Variants in SGCG observed in about 807,000 individuals in gnomAD.
The protein encoded by SGCG is sarcoglycan gamma.
SGCG carries 26 observed loss-of-function variants against 29.3 expected under a neutral mutation model. The observed-to-expected ratio is 0.89, with a 90% CI of 0.65 to 1.23. The LOEUF (loss-of-function observed/expected upper bound fraction) is 1.23. Among genes scored for constraint, SGCG ranks in the 50% most tolerant of loss-of-function variants. The pLI is 0.00. For synonymous variants in SGCG, 145 were observed against 129.7 expected (o/e 1.12, Z -0.80); for missense variants, 353 against 356.0 (o/e 0.99, Z 0.07).
upstream of SGCG, among the ~76,000 whole-genome samples, chr13:23,178,367 G>A (rs534751407): frequency 6.6e-6 from 1 of 152,312 alleles, no homozygotes; most frequent in Admixed American, 6.5e-5. Flanking sequence ...TGTCTTCTGT[G>A]ACATTCTGGG....
chr13:23,322,771 T>TCC (rs79538128), intron 7 of SGCG, among the ~76,000 whole-genome samples: 1 of 59,902 alleles, frequency 1.7e-5, no homozygotes, highest in Non-Finnish European at 3.1e-5. Flanking sequence ...CCCATCCACC[T>TCC]CCCCCCCCCC....
rs770939408 is a variant in SGCG at position 23,279,458 on chromosome 13, C to T, written c.485C>T (p.Thr162Ile). Residue 162 changes from threonine to isoleucine, a missense_variant, in exon 5 of 8, where the codon ACA becomes ATA. Coordinates refer to ENST00000218867, the MANE Select transcript of SGCG (RefSeq NM_000231.3). Reference protein sequence around the residue: ...TVDEKEVVVGTDKLRVTGPEG... With the variant: ...TVDEKEVVVGIDKLRVTGPEG... ...GATGAGAAGGAAGTTGTGGTTGGTA[C>T]AGATAAACTTCGAGTAACTGGTATG... 6.8e-6 allele frequency: 11 copies of T among 1,613,112 alleles called. No individual in the cohort carries two copies. The highest frequency in any genetic ancestry group is 3.3e-5 in the South Asian group (3 of 91,020).
upstream of SGCG, among the ~76,000 whole-genome samples, chr13:23,178,934 T>C (rs992837862): frequency 1.3e-5 from 2 of 152,024 alleles, no homozygotes; most frequent in Non-Finnish European, 2.9e-5. Context: ...TAGTCAAAAA[T>C]GGAAGCAGAG....
intron 1 of SGCG, among the ~76,000 whole-genome samples, chr13:23,191,140 G>C (rs575554221): frequency 2.0e-5 from 3 of 152,074 alleles, no homozygotes; most frequent in Non-Finnish European, 4.4e-5. Context: ...ATTTGACATC[G>C]AAATCAATTT....
chr13:23,165,030 T>C, the SGCG span, among the ~76,000 whole-genome samples: 3 of 152,196 alleles, frequency 2.0e-5, no homozygotes, highest in Non-Finnish European at 4.4e-5. Context: ...CACTTTCCCT[T>C]GAGCATAAGC....
In SGCG at chr13:23,320,746, A is replaced by G; in HGVS notation, c.688A>G (p.Ser230Gly). 6.2e-7 allele frequency: 1 copy of G among 1,613,732 alleles called. No individual in the cohort carries two copies. The highest frequency in any genetic ancestry group is 8.5e-7 in the Non-Finnish European group (1 of 1,179,780). ...ALSQMDILFH[S>G]SDGMLVLDAE... ...TTCTCAAATGGATATTCTTTTTCAT[A>G]GTAGTGATGGAATGGTGAGTTCATT... The change falls in exon 7 of 8, where the codon AGT (serine) becomes GGT (glycine). Residue 230 changes from serine (S) to glycine (G), a missense_variant. Coordinates refer to ENST00000218867, the MANE Select transcript of SGCG (RefSeq NM_000231.3).
At chr13:23,219,372 C>T (rs1878567341) in intron 2 of SGCG, among the ~76,000 whole-genome samples, 5 of 152,072 alleles carry the variant, frequency 3.3e-5, no homozygotes. Flanking sequence ...GCTTTTTATC[C>T]TAAATGATTT....
intron 6 of SGCG, among the ~76,000 whole-genome samples, chr13:23,311,589 G>T (rs973251745): frequency 6.6e-6 from 1 of 152,308 alleles, no homozygotes; most frequent in East Asian, 1.9e-4. Context: ...TGCTCGGCAC[G>T]TTGGCCTGGG....
At chr13:23,176,404 T>C (rs143854388), upstream of SGCG, among the ~76,000 whole-genome samples, 9 of 152,288 alleles carry the variant, frequency 5.9e-5, no homozygotes, top group African/African-American at 2.2e-4. Flanking sequence ...ATTTGCTTTA[T>C]ATATTTGGGT....
chr13:23,319,584 A>G (rs1882958367), intron 6 of SGCG, among the ~76,000 whole-genome samples: 2 of 152,204 alleles, frequency 1.3e-5, no homozygotes, highest in Admixed American at 6.5e-5. Flanking sequence ...ATAAATGTTC[A>G]GTCAATTTAA....
intron 6 of SGCG, among the ~76,000 whole-genome samples, chr13:23,305,171 T>A (rs1161671552): frequency 2.0e-5 from 3 of 152,220 alleles, no homozygotes; most frequent in Non-Finnish European, 2.9e-5. Context: ...GACAACTTAC[T>A]GTGTTGAGTC....
chr13:23,180,605 T>G (rs4770402), upstream of SGCG, among the ~76,000 whole-genome samples: 58,882 of 152,118 alleles, frequency 0.39, 12,010 homozygotes, highest in East Asian at 0.46. Flanking sequence ...TCGTAAAATT[T>G]TATCAACATT....
At chr13:23,249,551 C>T (rs976787975) in intron 3 of SGCG, among the ~76,000 whole-genome samples, 1 of 73,438 alleles carries the variant, frequency 1.4e-5, no homozygotes, top group African/African-American at 7.3e-5. Context: ...ACAAGTAAAG[C>T]GAAAAAAATG....
chr13:23,218,637 A>G (rs1395679098), intron 2 of SGCG, among the ~76,000 whole-genome samples: 1 of 152,056 alleles, frequency 6.6e-6, no homozygotes. Flanking sequence ...GAGAGTGACC[A>G]ATATTTCTGC....
intron 1 of SGCG, among the ~76,000 whole-genome samples, chr13:23,184,729 C>T (rs1876902693): frequency 6.6e-6 from 1 of 152,146 alleles, no homozygotes; most frequent in Admixed American, 6.5e-5. Context: ...GGCCTCAGCC[C>T]ACACCTTGCC....
At chr13:23,216,225 G>A (rs1347398706) in intron 2 of SGCG, among the ~76,000 whole-genome samples, 2 of 152,150 alleles carry the variant, frequency 1.3e-5, no homozygotes, top group African/African-American at 4.8e-5. Flanking sequence ...CAGAACCCCT[G>A]AATTTGTCTA....
intron 6 of SGCG, 22 bp from the exon 7 acceptor site, chr13:23,320,615 G>GT (rs756852729): frequency 1.4e-6 from 1 of 710,896 alleles, no homozygotes; most frequent in South Asian, 2.7e-5. Context: ...TTTTTTTTTT[G>GT]TGCTTCTTTT....
At chr13:23,263,237 TAATC>T (rs1488788214) in intron 4 of SGCG, among the ~76,000 whole-genome samples, 11 of 151,914 alleles carry the variant, frequency 7.2e-5, no homozygotes, top group Non-Finnish European at 1.6e-4. Flanking sequence ...TTAGCTATAT[TAATC>T]AAGAAAAGAA....
At chr13:23,259,607 G>T (rs575755724) in intron 4 of SGCG, among the ~76,000 whole-genome samples, 37 of 152,120 alleles carry the variant, frequency 2.4e-4, no homozygotes, top group Non-Finnish European at 4.9e-4. Context: ...GTTTGCTCTT[G>T]CTTCTCTAGT....
Sources: gnomAD v4.1 joint callset for allele counts (sites outside exome capture counted in the v4.1 genomes callset) on GRCh38, gnomAD v4.1.1 for gene constraint, MANE v1.5 for transcripts, NCBI Gene and HGNC (gene_info 2026-07-23, HGNC 2026-07-21) for gene names.